BRD10: variants seen among roughly 807,000 people sequenced by gnomAD.
BRD10 encodes the protein uncharacterized bromodomain-containing protein 10.
chr9:5,968,030 T>G, the BRD10 span: 2 of 1,517,876 alleles, frequency 1.3e-6, no homozygotes, highest in South Asian at 2.6e-5. Flanking sequence ...AGATTTGTGC[T>G]TCTTGTGTTT....
chr9:5,906,871 A>C, the BRD10 span: 1 of 1,515,638 alleles, frequency 6.6e-7, no homozygotes, highest in Non-Finnish European at 8.9e-7. Context: ...CACCTTTATC[A>C]ATTTACATTT....
At chr9:5,947,574 A>T in the BRD10 span, among the ~76,000 whole-genome samples, 2 of 152,060 alleles carry the variant, frequency 1.3e-5, no homozygotes, top group African/African-American at 4.8e-5. Flanking sequence ...TTATATATTA[A>T]AACTAATATA....
chr9:5,910,667 G>C, the BRD10 span: 2 of 152,216 alleles, frequency 1.3e-5, no homozygotes, highest in African/African-American at 2.4e-5. Flanking sequence ...GAGTTCCTCA[G>C]ACAGTGTCCC....
At chr9:5,880,955 G>A in the BRD10 span, among the ~76,000 whole-genome samples, 23 of 152,028 alleles carry the variant, frequency 1.5e-4, no homozygotes, top group South Asian at 3.1e-3. Context: ...CACCCGCCTC[G>A]GCCTCCCAAA....
chr9:5,981,824 G>C, the BRD10 span, among the ~76,000 whole-genome samples: 2 of 152,086 alleles, frequency 1.3e-5, no homozygotes, highest in Admixed American at 6.6e-5. Flanking sequence ...TATAAGGCTT[G>C]AAATAAACTA....
chr9:5,998,240 G>A, the BRD10 span, among the ~76,000 whole-genome samples: 2 of 152,156 alleles, frequency 1.3e-5, no homozygotes, highest in Non-Finnish European at 1.5e-5. Flanking sequence ...ACTGGTGAAA[G>A]AGGGAGATTT....
the BRD10 span, chr9:5,899,088 C>T: frequency 6.6e-6 from 1 of 152,236 alleles, no homozygotes; most frequent in Non-Finnish European, 1.5e-5. Flanking sequence ...CACTTCAGCA[C>T]TTCAGCACCC....
At chr9:6,003,516 T>C in the BRD10 span, among the ~76,000 whole-genome samples, 1 of 152,174 alleles carries the variant, frequency 6.6e-6, no homozygotes, top group African/African-American at 2.4e-5. Context: ...AATATAACTT[T>C]CTTGAGAATA....
At chr9:5,889,375 T>C in the BRD10 span, among the ~76,000 whole-genome samples, 1 of 152,234 alleles carries the variant, frequency 6.6e-6, no homozygotes, top group South Asian at 2.1e-4. Context: ...ATGCAGAAAA[T>C]GCTTTCCAAG....
the BRD10 span, among the ~76,000 whole-genome samples, chr9:5,911,453 T>C: frequency 6.6e-6 from 1 of 151,388 alleles, no homozygotes; most frequent in African/African-American, 2.4e-5. Flanking sequence ...TTGGTTACTA[T>C]AGGCTTTGTA....
chr9:5,939,386 T>A, the BRD10 span, among the ~76,000 whole-genome samples: 1 of 152,222 alleles, frequency 6.6e-6, no homozygotes, highest in Non-Finnish European at 1.5e-5. Flanking sequence ...TATCACATCA[T>A]ATTTCTAAAA....
chr9:5,942,276 A>G, the BRD10 span, among the ~76,000 whole-genome samples: 6 of 152,298 alleles, frequency 3.9e-5, no homozygotes, highest in African/African-American at 1.4e-4. Context: ...AATTGTGTTT[A>G]GTACAAGGAG....
At chr9:5,897,756 C>A in the BRD10 span, 1 of 1,016,820 alleles carries the variant, frequency 9.8e-7, no homozygotes, top group Non-Finnish European at 1.5e-6. Flanking sequence ...TCATTATAAC[C>A]TTCAGCTCTG....
At chr9:5,979,826 G>A in the BRD10 span, among the ~76,000 whole-genome samples, 8 of 151,788 alleles carry the variant, frequency 5.3e-5, no homozygotes, top group African/African-American at 1.7e-4. Context: ...CACCAGCCTG[G>A]GCAACATGGT....
At chr9:6,004,552 G>A in the BRD10 span, among the ~76,000 whole-genome samples, 3 of 152,122 alleles carry the variant, frequency 2.0e-5, no homozygotes, top group South Asian at 2.1e-4. Flanking sequence ...TATAGGGAAC[G>A]GCTTTAAAGT....
the BRD10 span, chr9:5,924,743 TC>T: frequency 6.2e-7 from 1 of 1,607,128 alleles, no homozygotes; most frequent in Non-Finnish European, 8.5e-7. Context: ...GAGAGTCTTT[TC>T]CAAGATCTCC....
At chr9:5,940,489 G>A in the BRD10 span, among the ~76,000 whole-genome samples, 1 of 152,094 alleles carries the variant, frequency 6.6e-6, no homozygotes. Flanking sequence ...CACCGCGCCT[G>A]GCCTATTGTG....
At chr9:5,887,548 T>C in the BRD10 span, among the ~76,000 whole-genome samples, 5 of 152,184 alleles carry the variant, frequency 3.3e-5, no homozygotes, top group East Asian at 1.9e-4. Context: ...GCCAGGCTAT[T>C]ATAGAACCCA....
At chr9:5,907,850 C>T in the BRD10 span, among the ~76,000 whole-genome samples, 1 of 152,042 alleles carries the variant, frequency 6.6e-6, no homozygotes, top group Non-Finnish European at 1.5e-5. Flanking sequence ...CTACTTGGGA[C>T]GCTGAGGCAG....
Sources: allele counts gnomAD v4.1 joint callset (sites outside exome capture counted in the v4.1 genomes callset), GRCh38; gene constraint gnomAD v4.1.1; transcripts MANE v1.5; gene names NCBI Gene and HGNC (gene_info 2026-07-23, HGNC 2026-07-21).